The following MEGF10 variants were observed in gnomAD, a reference collection of about 807,000 sequenced individuals.
MEGF10 encodes multiple EGF like domains 10, also known as multiple epidermal growth factor-like domains protein 10.
MEGF10 carries 86 observed loss-of-function variants against 147.5 expected under a neutral mutation model. The ratio of observed to expected loss-of-function variants is 0.58; its 90% CI spans 0.49 to 0.70. The LOEUF (loss-of-function observed/expected upper bound fraction) is 0.70, where lower values mean the gene tolerates loss of function less well. Among genes scored for constraint, MEGF10 ranks in the 30% least tolerant of loss-of-function variants. The probability of loss-of-function intolerance (pLI) is 0.00; values close to 1 mark genes in which losing one functional copy is unlikely to be tolerated. For synonymous variants in MEGF10, 478 were observed against 525.5 expected, an observed-to-expected ratio of 0.91 and a Z score of 1.24; for missense variants, 1,329 against 1,487.3, an observed-to-expected ratio of 0.89 and a Z score of 1.75.
chr5:127,454,599 A>G lies in MEGF10; in HGVS notation c.3014A>G (p.Lys1005Arg), dbSNP rs757112755. 2 of 1,608,928 alleles carry G rather than the reference A, an allele frequency of 1.2e-6. No individual in the cohort carries two copies. Among genetic ancestry groups the G allele is most frequent in the Non-Finnish European group, 1.7e-6 (2 of 1,178,324 alleles). ...AFGLDRSYMG[K>R]SLKDLGKNSE... ...GGACTTGACAGAAGCTATATGGGAA[A>G]ATCCTTAAAAGGTATCATGTAAATT... The change falls in exon 23 of 25, where the codon AAA becomes AGA. Residue 1005 changes from lysine (K) to arginine (R), a missense_variant. Coordinates refer to ENST00000503335, the MANE Select transcript of MEGF10 (RefSeq NM_001256545.2).
the MEGF10 span, among the ~76,000 whole-genome samples, chr5:127,248,465 A>G: frequency 3.9e-5 from 6 of 152,132 alleles, no homozygotes; most frequent in Admixed American, 2.0e-4. Flanking sequence ...GTTTATACAC[A>G]TGTTCAAAGA....
At chr5:127,371,277 A>C (rs1762841474) in intron 5 of MEGF10, among the ~76,000 whole-genome samples, 1 of 148,534 alleles carries the variant, frequency 6.7e-6, no homozygotes, top group South Asian at 2.1e-4. Flanking sequence ...TCTCAATTCC[A>C]GGGGAAAACT....
At chr5:127,298,851 G>A (rs73785575) in intron 1 of MEGF10, among the ~76,000 whole-genome samples, 4,749 of 152,156 alleles carry the variant, frequency 0.031, 242 homozygotes, top group African/African-American at 0.11. Flanking sequence ...ATTCTGCTGC[G>A]GCCAGCCGTC....
At chr5:127,233,427 A>G in the MEGF10 span, among the ~76,000 whole-genome samples, 7 of 152,192 alleles carry the variant, frequency 4.6e-5, no homozygotes, top group African/African-American at 1.4e-4. Context: ...CCAGGACACA[A>G]GCAGGTGTAG....
intron 5 of MEGF10, among the ~76,000 whole-genome samples, chr5:127,393,669 T>G (rs1235124070): frequency 2.6e-5 from 4 of 152,234 alleles, no homozygotes; most frequent in Non-Finnish European, 5.9e-5. Flanking sequence ...TGAAAACATG[T>G]CATCATGCTT....
chr5:127,317,412 T>A (rs1760602416), intron 1 of MEGF10, among the ~76,000 whole-genome samples: 1 of 152,244 alleles, frequency 6.6e-6, no homozygotes, highest in South Asian at 2.1e-4. Flanking sequence ...ATGTCCTGAA[T>A]GGCATTGCCT....
chr5:127,247,284 T>TG, the MEGF10 span, among the ~76,000 whole-genome samples: 80 of 102,984 alleles, frequency 7.8e-4, 2 homozygotes, highest in East Asian at 7.7e-3. Context: ...TGTGTGTGGT[T>TG]GGGGGGTGGG....
chr5:127,257,575 A>G, the MEGF10 span, among the ~76,000 whole-genome samples: 2 of 152,224 alleles, frequency 1.3e-5, no homozygotes, highest in Non-Finnish European at 2.9e-5. Flanking sequence ...GTATCTGAGA[A>G]AAGTCTCAAT....
chr5:127,441,927 TC>T (rs757866438), intron 18 of MEGF10, among the ~76,000 whole-genome samples: 6 of 152,200 alleles, frequency 3.9e-5, no homozygotes, highest in Admixed American at 2.0e-4. Context: ...AAAAGTGACG[TC>T]CAGGAATCAG....
At chr5:127,242,222 A>G in the MEGF10 span, among the ~76,000 whole-genome samples, 8,794 of 152,234 alleles carry the variant, frequency 0.058, 295 homozygotes, top group South Asian at 0.095. Context: ...TTTACTGCCT[A>G]TAAGGAAGTC....
intron 1 of MEGF10, among the ~76,000 whole-genome samples, chr5:127,293,672 T>A (rs1759365998): frequency 6.6e-6 from 1 of 152,228 alleles, no homozygotes; most frequent in Non-Finnish European, 1.5e-5. Context: ...GCAAATCTGA[T>A]CATGTTATTC....
chr5:127,373,555 G>C (rs1032245532), intron 5 of MEGF10, among the ~76,000 whole-genome samples: 1 of 152,056 alleles, frequency 6.6e-6, no homozygotes, highest in East Asian at 1.9e-4. Flanking sequence ...TCCTACTGCA[G>C]CCCTAAAATG....
chr5:127,312,919 A>C (rs1427260779), intron 1 of MEGF10, among the ~76,000 whole-genome samples: 1 of 152,178 alleles, frequency 6.6e-6, no homozygotes, highest in African/African-American at 2.4e-5. Context: ...ATTTAATTAC[A>C]TCTGAAAAGG....
intron 1 of MEGF10, among the ~76,000 whole-genome samples, chr5:127,325,653 C>T (rs183605094): frequency 3.6e-4 from 54 of 151,988 alleles, no homozygotes; most frequent in African/African-American, 8.0e-4. Context: ...TGAGCTCCTT[C>T]GGGATAGCTC....
chr5:127,412,012 T>C (rs1764588048), intron 9 of MEGF10, among the ~76,000 whole-genome samples: 1 of 152,226 alleles, frequency 6.6e-6, no homozygotes, highest in African/African-American at 2.4e-5. Context: ...ATGTTGGTTT[T>C]GTTGGAATTG....
chr5:127,436,950 GA>G (rs780762978), intron 16 of MEGF10, among the ~76,000 whole-genome samples: 3 of 152,304 alleles, frequency 2.0e-5, no homozygotes, highest in South Asian at 2.1e-4. Context: ...GTGTCCTTGG[GA>G]AAATGATTTT....
In MEGF10 at chr5:127,417,652, C is replaced by T. The variant is rs751036673; in HGVS notation, c.1145C>T (p.Ser382Phe). Residue 382 changes from serine (S) to phenylalanine (F), a missense_variant, in exon 10 of 25, where the codon TCT becomes TTT. By Grantham distance (155) the Ser-to-Phe change is radical. Coordinates refer to ENST00000503335, the MANE Select transcript of MEGF10 (RefSeq NM_001256545.2). ...ATGTCTCTCAGCTGTCACCCCATGT[C>T]TGGAGAGTGTGCCTGCAAGCCGGGC... ...LENTHSCHPMSGECACKPGWS... is the reference protein window; with the variant it reads ...LENTHSCHPMFGECACKPGWS... 8.7e-6 allele frequency: 14 copies of T among 1,614,166 alleles called. No individual in the cohort carries two copies. The highest frequency in any genetic ancestry group is 1.6e-4 in the Middle Eastern group (1 of 6,062).
intron 3 of MEGF10, 41 bp downstream of exon 3, chr5:127,339,262 G>A: frequency 1.5e-6 from 2 of 1,355,860 alleles, no homozygotes; most frequent in Non-Finnish European, 2.1e-6. Flanking sequence ...TGGCTAACTG[G>A]GAATAGATTC....
chr5:127,397,707 G>A (rs1363385), intron 6 of MEGF10, among the ~76,000 whole-genome samples: 29,349 of 152,036 alleles, frequency 0.19, 3,319 homozygotes, highest in African/African-American at 0.32. Context: ...CTGTTTAATT[G>A]TTAATATTGC....
Sources: gnomAD v4.1 joint callset for allele counts (sites outside exome capture counted in the v4.1 genomes callset) on GRCh38, gnomAD v4.1.1 for gene constraint, MANE v1.5 for transcripts, NCBI Gene and HGNC (gene_info 2026-07-23, HGNC 2026-07-21) for gene names.